The following PRKD1 variants were observed in gnomAD, a reference collection of about 807,000 sequenced individuals.
PRKD1 encodes the protein serine/threonine-protein kinase D1.
PRKD1 carries 63 observed loss-of-function variants against 95.9 expected under a neutral mutation model. The observed-to-expected ratio is 0.66, with a 90% CI of 0.54 to 0.81. The LOEUF is 0.81. Ranked by LOEUF, PRKD1 falls within the 30% of genes least tolerant of loss-of-function variation. PRKD1 has a pLI of 0.00. For missense variants in PRKD1, 1,048 were observed against 1,165.3 expected, an observed-to-expected ratio of 0.90 and a Z score of 1.47; for synonymous variants, 425 against 423.1, an observed-to-expected ratio of 1.00 and a Z score of -0.05.
intron 1 of PRKD1, among the ~76,000 whole-genome samples, chr14:29,923,834 ATGTGTGTGTGTT>A (rs1254423608): frequency 6.8e-4 from 101 of 148,148 alleles, no homozygotes; most frequent in Middle Eastern, 3.5e-3. Flanking sequence ...AAAAAAAAGT[ATGTGTGTGTGTT>A]TGTGTGTGTG....
chr14:29,604,956 C>T (rs1225988702), intron 13 of PRKD1, among the ~76,000 whole-genome samples: 5 of 152,126 alleles, frequency 3.3e-5, no homozygotes, highest in Non-Finnish European at 5.9e-5. Flanking sequence ...CTTCGCTTGG[C>T]AAATGGCGAA....
chr14:29,873,153 G>A (rs749221047), intron 1 of PRKD1, among the ~76,000 whole-genome samples: 14 of 151,900 alleles, frequency 9.2e-5, no homozygotes, highest in Admixed American at 3.3e-4. Context: ...TGGCAAGATC[G>A]CAGCTCACTG....
At chr14:29,804,166 C>T (rs1411827716) in intron 1 of PRKD1, among the ~76,000 whole-genome samples, 1 of 150,468 alleles carries the variant, frequency 6.6e-6, no homozygotes, top group Admixed American at 6.6e-5. Flanking sequence ...TGCTTGAACT[C>T]AGAAGGCGAA....
chr14:29,696,195 T>C lies in PRKD1; in HGVS notation c.403+29341A>G, dbSNP rs144409887. ...TGAGCTGAACATTACACATATGAAT[T>C]GCTGATGAACTGATTTATGTCTATC... On this transcript the variant is annotated intron_variant, in intron 2 of 17. Transcript: ENST00000331968. Among the ~76,000 whole-genome samples, 67 of 152,212 alleles carry C rather than the reference T, an allele frequency of 4.4e-4. No homozygotes were observed. In the Middle Eastern group the frequency reaches 0.017, roughly 39 times the overall value.
rs767462214 is a variant in PRKD1 at position 29,629,105 on chromosome 14, T to C, written c.1673-12A>G. 5.0e-6 allele frequency: 8 copies of C among 1,602,470 alleles called. No homozygotes were observed. In the Middle Eastern group the frequency reaches 8.3e-4, roughly 166 times the overall value. On this transcript the variant is annotated splice_polypyrimidine_tract_variant and intron_variant, in intron 10 of 17. Transcript: ENST00000331968. ...CACAGAGATATCTCCTGGAAATGCA[T>C]GTAAAACAATATGCACACAAAAAGT...
chr14:29,615,129 G>A (rs1878766883), intron 13 of PRKD1, among the ~76,000 whole-genome samples: 2 of 151,302 alleles, frequency 1.3e-5, no homozygotes, highest in African/African-American at 4.9e-5. Flanking sequence ...ATAGGCTCAA[G>A]GAAAACAAGG....
intron 13 of PRKD1, among the ~76,000 whole-genome samples, chr14:29,611,488 A>G (rs1878454641): frequency 6.6e-6 from 1 of 152,134 alleles, no homozygotes; most frequent in Non-Finnish European, 1.5e-5. Flanking sequence ...TGAGAACTCA[A>G]GAAAGACTCA....
chr14:29,580,285 G>A (rs758065452), intron 16 of PRKD1, among the ~76,000 whole-genome samples: 1 of 152,104 alleles, frequency 6.6e-6, no homozygotes, highest in African/African-American at 2.4e-5. Context: ...AATGGAATAA[G>A]TAAAAATGAA....
intron 1 of PRKD1, among the ~76,000 whole-genome samples, chr14:29,848,062 A>C (rs1299471607): frequency 6.6e-6 from 1 of 152,126 alleles, no homozygotes; most frequent in Non-Finnish European, 1.5e-5. Context: ...AATGAGGGTT[A>C]ATTCTGGTCA....
intron 1 of PRKD1, among the ~76,000 whole-genome samples, chr14:29,916,342 C>T (rs1035355920): frequency 6.6e-6 from 1 of 152,216 alleles, no homozygotes; most frequent in Non-Finnish European, 1.5e-5. Flanking sequence ...GCCATTTCTT[C>T]TGGCTCTAGC....
intron 4 of PRKD1, among the ~76,000 whole-genome samples, chr14:29,647,325 GAT>G (rs779979173): frequency 1.3e-5 from 2 of 152,168 alleles, no homozygotes; most frequent in Non-Finnish European, 2.9e-5. Context: ...AAGGAACCGT[GAT>G]ATTTTCTTAA....
At chr14:29,837,190 T>C (rs1344655814) in intron 1 of PRKD1, among the ~76,000 whole-genome samples, 1 of 152,160 alleles carries the variant, frequency 6.6e-6, no homozygotes. Context: ...GTACCCTTCT[T>C]TCTCATAAGG....
chr14:29,701,175 T>G (rs542177545), intron 2 of PRKD1, among the ~76,000 whole-genome samples: 1 of 152,312 alleles, frequency 6.6e-6, no homozygotes, highest in Admixed American at 6.5e-5. Context: ...TACCAAAGTT[T>G]TATCTAAAAC....
chr14:29,701,059 T>G (rs1196470101), intron 2 of PRKD1, among the ~76,000 whole-genome samples: 1 of 142,140 alleles, frequency 7.0e-6, no homozygotes, highest in East Asian at 2.0e-4. Context: ...TTCAGAACTG[T>G]GTACTTCATT....
chr14:29,839,451 C>A (rs1891742182), intron 1 of PRKD1, among the ~76,000 whole-genome samples: 1 of 152,172 alleles, frequency 6.6e-6, no homozygotes, highest in South Asian at 2.1e-4. Flanking sequence ...AGCAGACCTG[C>A]CAAAGGCAAA....
intron 1 of PRKD1, among the ~76,000 whole-genome samples, chr14:29,839,452 C>T (rs1189318192): frequency 6.6e-6 from 1 of 152,138 alleles, no homozygotes; most frequent in African/African-American, 2.4e-5. Flanking sequence ...GCAGACCTGC[C>T]AAAGGCAAAG....
chr14:29,768,618 G>A (rs941840549), intron 1 of PRKD1, among the ~76,000 whole-genome samples: 34 of 151,514 alleles, frequency 2.2e-4, no homozygotes, highest in African/African-American at 7.8e-4. Context: ...CTACTTCATT[G>A]CCTACGAGTT....
chr14:29,671,288 G>T (rs1442661668), intron 2 of PRKD1, among the ~76,000 whole-genome samples: 1 of 152,142 alleles, frequency 6.6e-6, no homozygotes, highest in Non-Finnish European at 1.5e-5. Context: ...GGAACTGTCT[G>T]ATGAGCTCAT....
At chr14:29,616,304 G>T (rs2139064708) in intron 13 of PRKD1, among the ~76,000 whole-genome samples, 1 of 140,554 alleles carries the variant, frequency 7.1e-6, no homozygotes, top group Non-Finnish European at 1.5e-5. Context: ...GAAAGGTGTA[G>T]AAACCAATGA....
Sources: gnomAD v4.1 joint callset for allele counts (sites outside exome capture counted in the v4.1 genomes callset) on GRCh38, gnomAD v4.1.1 for gene constraint, MANE v1.5 for transcripts, NCBI Gene and HGNC (gene_info 2026-07-23, HGNC 2026-07-21) for gene names.